The following MEIKIN variants were observed in gnomAD, a reference collection of about 807,000 sequenced individuals.
MEIKIN encodes meiosis-specific kinetochore protein.
intron 2 of MEIKIN, 77 bp downstream of exon 2, chr5:131,945,079 G>A (rs574862989): frequency 3.3e-4 from 130 of 399,004 alleles, no homozygotes; most frequent in African/African-American, 2.2e-3. Flanking sequence ...TAGAATAAAA[G>A]GCTACTAGCA....
intron 11 of MEIKIN, 120 bp downstream of exon 11, chr5:131,851,144 A>G: frequency 2.6e-6 from 1 of 386,932 alleles, no homozygotes; most frequent in Non-Finnish European, 4.6e-6. Flanking sequence ...ATAGGAGAAA[A>G]TATTTGCAAA....
chr5:131,834,184 C>T (rs773772277), intron 11 of MEIKIN, among the ~76,000 whole-genome samples: 3 of 152,048 alleles, frequency 2.0e-5, no homozygotes, highest in Non-Finnish European at 4.4e-5. Context: ...TTTATAATCA[C>T]CATTTTATTT....
intron 9 of MEIKIN, among the ~76,000 whole-genome samples, chr5:131,872,755 T>C (rs1309658284): frequency 6.6e-6 from 1 of 152,092 alleles, no homozygotes; most frequent in African/African-American, 2.4e-5. Flanking sequence ...AGAGAAAGGT[T>C]GGGTTACCCA....
chr5:131,889,765 C>T (rs1427245050), intron 8 of MEIKIN, among the ~76,000 whole-genome samples: 1 of 152,030 alleles, frequency 6.6e-6, no homozygotes, highest in Non-Finnish European at 1.5e-5. Context: ...AGGAGTAATG[C>T]GAGAGGGCAT....
chr5:131,822,528 A>G (rs1749528217), intron 11 of MEIKIN, among the ~76,000 whole-genome samples: 1 of 152,164 alleles, frequency 6.6e-6, no homozygotes, highest in African/African-American at 2.4e-5. Flanking sequence ...TAAACTGATG[A>G]CAACTTAACA....
intron 5 of MEIKIN, among the ~76,000 whole-genome samples, chr5:131,927,760 A>T (rs1751612535): frequency 6.6e-6 from 1 of 152,114 alleles, no homozygotes; most frequent in Non-Finnish European, 1.5e-5. Context: ...ATCTTGTCTG[A>T]CATAAATATA....
chr5:131,933,765 C>G, intron 4 of MEIKIN, 124 bp from the exon 5 acceptor site: 1 of 383,304 alleles, frequency 2.6e-6, no homozygotes, highest in African/African-American at 2.1e-5. Context: ...CATAAGACTG[C>G]TTCTACATAC....
intron 8 of MEIKIN, among the ~76,000 whole-genome samples, chr5:131,891,290 T>C (rs931982714): frequency 6.6e-6 from 1 of 152,178 alleles, no homozygotes; most frequent in Non-Finnish European, 1.5e-5. Context: ...TTCTGTCTTG[T>C]TGATCTGTCT....
At chr5:131,815,606 C>T (rs556687218) in intron 12 of MEIKIN, among the ~76,000 whole-genome samples, 1 of 152,186 alleles carries the variant, frequency 6.6e-6, no homozygotes, top group Non-Finnish European at 1.5e-5. Flanking sequence ...GGCTAAGAAG[C>T]GACTTACGGT....
chr5:131,834,842 C>T lies in MEIKIN; in HGVS notation c.976-15979G>A, dbSNP rs548852301. On this transcript the variant is annotated intron_variant, in intron 11 of 12. Coordinates refer to ENST00000442687, the MANE Select transcript of MEIKIN (RefSeq NM_001303622.2). ...ATACACAAAGTTGAAATTACTGGAACCTATATTTTTAATTTTTTGAGGAAC... is the reference window on the plus strand; with the variant it reads ...ATACACAAAGTTGAAATTACTGGAATCTATATTTTTAATTTTTTGAGGAAC... 2.4e-4 allele frequency among the ~76,000 whole-genome samples: 36 copies of T among 152,176 alleles called. No homozygotes were observed. The South Asian group carries it at 6.6e-3, about 28-fold the overall frequency.
intron 11 of MEIKIN, among the ~76,000 whole-genome samples, chr5:131,839,297 G>T (rs1405599666): frequency 6.6e-6 from 1 of 152,152 alleles, no homozygotes; most frequent in Non-Finnish European, 1.5e-5. Flanking sequence ...TAGAGTATGT[G>T]ACATGTGGTG....
intron 8 of MEIKIN, among the ~76,000 whole-genome samples, chr5:131,889,675 C>G (rs1220525090): frequency 6.6e-6 from 1 of 152,180 alleles, no homozygotes; most frequent in African/African-American, 2.4e-5. Flanking sequence ...AATTTGACTT[C>G]CTCTTTTCCT....
intron 6 of MEIKIN, among the ~76,000 whole-genome samples, chr5:131,921,327 C>T (rs1307930740): frequency 1.3e-5 from 2 of 152,070 alleles, no homozygotes; most frequent in Non-Finnish European, 2.9e-5. Context: ...GCCTGGGCAA[C>T]ATAGCGAGAC....
chr5:131,935,303 AC>A (rs1329567470), intron 4 of MEIKIN, among the ~76,000 whole-genome samples: 1 of 150,992 alleles, frequency 6.6e-6, no homozygotes, highest in African/African-American at 2.4e-5. Context: ...AGAAAGAAAA[AC>A]CAGAATATGA....
At chr5:131,809,720 C>T (rs538118699) in intron 12 of MEIKIN, among the ~76,000 whole-genome samples, 3 of 151,828 alleles carry the variant, frequency 2.0e-5, no homozygotes, top group East Asian at 3.9e-4. Context: ...GCAGGAGAAT[C>T]GCCTGAACCA....
chr5:131,897,615 T>C (rs191751258), intron 8 of MEIKIN, among the ~76,000 whole-genome samples: 9 of 152,294 alleles, frequency 5.9e-5, no homozygotes, highest in African/African-American at 1.9e-4. Context: ...TAATCTTGTC[T>C]TCTCGCTTTA....
At chr5:131,898,522 G>T (rs563938978) in intron 8 of MEIKIN, among the ~76,000 whole-genome samples, 1 of 152,354 alleles carries the variant, frequency 6.6e-6, no homozygotes, top group East Asian at 1.9e-4. Context: ...GCTATGCCCT[G>T]CCCACAAAGG....
chr5:131,861,840 G>C (rs1750290421), intron 9 of MEIKIN, among the ~76,000 whole-genome samples: 3 of 152,084 alleles, frequency 2.0e-5, no homozygotes, highest in Admixed American at 2.0e-4. Flanking sequence ...ATGTGCTGTT[G>C]GATTTAGTTT....
intron 8 of MEIKIN, among the ~76,000 whole-genome samples, chr5:131,889,603 G>A (rs1452744966): frequency 1.3e-5 from 2 of 152,342 alleles, no homozygotes; most frequent in South Asian, 2.1e-4. Context: ...AGCTTAAGGA[G>A]ATTTTGGGCT....
Sources: gnomAD v4.1 joint callset for allele counts (sites outside exome capture counted in the v4.1 genomes callset) on GRCh38, gnomAD v4.1.1 for gene constraint, MANE v1.5 for transcripts, NCBI Gene and HGNC (gene_info 2026-07-23, HGNC 2026-07-21) for gene names.